AGTPBP1: variants seen among roughly 807,000 people sequenced by gnomAD.
AGTPBP1 encodes ATP/GTP binding carboxypeptidase 1.
Under a neutral mutation model 143.9 loss-of-function variants are expected in AGTPBP1, and 70 were observed. The ratio of observed to expected loss-of-function variants is 0.49; its 90% CI spans 0.40 to 0.59. The LOEUF is 0.59. AGTPBP1 is among the 20% of genes least tolerant of loss of function. The probability of loss-of-function intolerance (pLI) is 0.00; values close to 1 mark genes in which losing one functional copy is unlikely to be tolerated. For synonymous variants in AGTPBP1, 463 were observed against 500.2 expected (o/e 0.93, Z 0.99); for missense variants, 1,229 against 1,464.5 (o/e 0.84, Z 2.62).
the AGTPBP1 span, among the ~76,000 whole-genome samples, chr9:85,766,415 C>T: frequency 6.6e-6 from 1 of 152,136 alleles, no homozygotes; most frequent in Non-Finnish European, 1.5e-5. Context: ...TTAGACAGAA[C>T]ATCTTTGAAT....
At chr9:85,612,229 T>C (rs1830358224) in intron 17 of AGTPBP1, among the ~76,000 whole-genome samples, 1 of 152,104 alleles carries the variant, frequency 6.6e-6, no homozygotes, top group African/African-American at 2.4e-5. Context: ...TGGGGATTGG[T>C]CACCAAAAAG....
intron 2 of AGTPBP1, among the ~76,000 whole-genome samples, chr9:85,709,651 A>G (rs1837241328): frequency 6.6e-6 from 1 of 152,204 alleles, no homozygotes; most frequent in Admixed American, 6.5e-5. Flanking sequence ...AGAGAAAACA[A>G]AAGTTAACAG....
chr9:85,691,816 A>G (rs62569241), intron 3 of AGTPBP1, among the ~76,000 whole-genome samples: 2,547 of 152,290 alleles, frequency 0.017, 26 homozygotes, highest in Middle Eastern at 0.054. Flanking sequence ...TGTGTACTCT[A>G]TCGGGGTTTT....
chr9:85,619,824 C>G (rs1181136961), intron 15 of AGTPBP1, among the ~76,000 whole-genome samples: 2 of 152,040 alleles, frequency 1.3e-5, no homozygotes, highest in African/African-American at 4.8e-5. Flanking sequence ...CTTGGTTCCC[C>G]GACTGAATGC....
At chr9:85,794,967 T>C in the AGTPBP1 span, among the ~76,000 whole-genome samples, 1 of 152,204 alleles carries the variant, frequency 6.6e-6, no homozygotes, top group African/African-American at 2.4e-5. Flanking sequence ...TTTTATATAT[T>C]GATCACTATT....
chr9:85,547,426 C>A, intron 25 of AGTPBP1, 140 bp from the exon 26 acceptor site: 1 of 689,926 alleles, frequency 1.4e-6, no homozygotes. Context: ...TCCAAATGAA[C>A]AAGTTGAAAT....
the AGTPBP1 span, among the ~76,000 whole-genome samples, chr9:85,769,436 A>G: frequency 6.6e-6 from 1 of 151,364 alleles, no homozygotes; most frequent in African/African-American, 2.4e-5. Flanking sequence ...CTGTAGTCCC[A>G]GCTACTCAGG....
rs1030304 is a variant in AGTPBP1, at chr9:85,550,834, A to G, written c.3504-3548T>C. On this transcript the variant is annotated intron_variant, in intron 25 of 25. Coordinates refer to ENST00000357081, the MANE Select transcript of AGTPBP1 (RefSeq NM_001330701.2). ...ATATCCTGACCACTCCATGCCTCAC[A>G]TTTCATACTGCAAGCCTTCACCAGC... Among the ~76,000 whole-genome samples the G allele has an allele frequency of 2.7e-3, 405 of 152,242 alleles. 13 individuals carry two copies. In the East Asian group the frequency reaches 0.071, roughly 27 times the overall value.
intron 1 of AGTPBP1, among the ~76,000 whole-genome samples, chr9:85,739,330 C>T (rs754516466): frequency 6.6e-6 from 1 of 152,170 alleles, no homozygotes; most frequent in Non-Finnish European, 1.5e-5. Context: ...TTGCTATTCA[C>T]GCACTGTTCA....
upstream of AGTPBP1, among the ~76,000 whole-genome samples, chr9:85,745,823 G>A (rs746462379): frequency 1.3e-5 from 2 of 152,232 alleles, no homozygotes; most frequent in Non-Finnish European, 2.9e-5. Flanking sequence ...GGCAGACAGT[G>A]AGAGTATGGC....
intron 17 of AGTPBP1, among the ~76,000 whole-genome samples, chr9:85,599,289 G>A (rs914823114): frequency 2.0e-5 from 3 of 152,072 alleles, no homozygotes; most frequent in African/African-American, 7.2e-5. Flanking sequence ...GTACTTCATG[G>A]TTTATTCATA....
the AGTPBP1 span, among the ~76,000 whole-genome samples, chr9:85,797,892 TTC>T: frequency 6.6e-6 from 1 of 152,070 alleles, no homozygotes; most frequent in Admixed American, 6.6e-5. Context: ...GTTTTTCTGT[TTC>T]TCTTTTTCTC....
intron 25 of AGTPBP1, among the ~76,000 whole-genome samples, chr9:85,573,803 C>A (rs1827697929): frequency 6.6e-6 from 1 of 151,844 alleles, no homozygotes; most frequent in Non-Finnish European, 1.5e-5. Flanking sequence ...GCGACCCCGT[C>A]TGGGAGGTGA....
intron 1 of AGTPBP1, among the ~76,000 whole-genome samples, chr9:85,720,268 T>C (rs975010001): frequency 2.6e-5 from 4 of 152,192 alleles, no homozygotes; most frequent in Admixed American, 2.0e-4. Flanking sequence ...CTGGTAGAAT[T>C]TGGCTGTGAA....
At chr9:85,671,230 G>A (rs1347492811) in intron 7 of AGTPBP1, among the ~76,000 whole-genome samples, 1 of 151,984 alleles carries the variant, frequency 6.6e-6, no homozygotes, top group Non-Finnish European at 1.5e-5. Context: ...ACAGCCATGT[G>A]CGACTGTACC....
chr9:85,755,953 C>G, the AGTPBP1 span: 3 of 832,538 alleles, frequency 3.6e-6, no homozygotes, highest in Non-Finnish European at 1.7e-6. Flanking sequence ...CTGAGTTACT[C>G]TAAGTGATAG....
At chr9:85,647,170 G>A (rs548712903) in intron 11 of AGTPBP1, among the ~76,000 whole-genome samples, 6 of 152,258 alleles carry the variant, frequency 3.9e-5, no homozygotes, top group East Asian at 1.9e-4. Context: ...CCAGCTACTC[G>A]GGAGGCTGAG....
In AGTPBP1 at chr9:85,689,898, C is replaced by CAAAAAA. The variant is rs1156931410; in HGVS notation, c.157+2785_157+2790dup. Among the ~76,000 whole-genome samples, 17 of 28,344 alleles carry CAAAAAA rather than the reference C, an allele frequency of 6.0e-4. 2 individuals are homozygous for CAAAAAA. Among genetic ancestry groups the CAAAAAA allele is most frequent in the Middle Eastern group, 0.033 (1 of 30 alleles). 18.6% of individuals were successfully genotyped at this position (28,344 alleles called of 152,430 possible). ...CAACAGAGTGAGAGAGACTCTGCCTCAAAAAAAAAAAAAAAAAAAAAAAAA... is the reference window on the plus strand; with the variant it reads ...CAACAGAGTGAGAGAGACTCTGCCTCAAAAAAAAAAAAAAAAAAAAAAAAAAAAAAA... On this transcript the variant is annotated intron_variant, in intron 3 of 25. Transcript: ENST00000357081.
chr9:85,570,324 C>T (rs1297914807), intron 25 of AGTPBP1, among the ~76,000 whole-genome samples: 5 of 152,158 alleles, frequency 3.3e-5, no homozygotes, highest in African/African-American at 4.8e-5. Context: ...CATTTGACCA[C>T]GGTTAACTGA....
Sources: gnomAD v4.1 joint callset for allele counts (sites outside exome capture counted in the v4.1 genomes callset) on GRCh38, gnomAD v4.1.1 for gene constraint, MANE v1.5 for transcripts, NCBI Gene and HGNC (gene_info 2026-07-23, HGNC 2026-07-21) for gene names.